Variants in PLCG2 observed in about 807,000 individuals in gnomAD.
The protein encoded by PLCG2 is 1-phosphatidylinositol 4,5-bisphosphate phosphodiesterase gamma-2.
In PLCG2, 69 loss-of-function variants were observed where a neutral mutation model predicts 175.6. That is an observed-to-expected ratio of 0.39 (90% CI 0.32 to 0.48). PLCG2 has a LOEUF of 0.48. Among genes scored for constraint, PLCG2 ranks in the 20% least tolerant of loss-of-function variants. PLCG2 has a pLI of 0.91. For missense variants in PLCG2, 1,798 were observed against 1,650.9 expected, an observed-to-expected ratio of 1.09 and a Z score of -1.54; for synonymous variants, 827 against 624.0, an observed-to-expected ratio of 1.33 and a Z score of -4.85.
chr16:81,799,142 T>C (rs1320021687), intron 2 of PLCG2, among the ~76,000 whole-genome samples: 1 of 152,218 alleles, frequency 6.6e-6, no homozygotes, highest in Admixed American at 6.5e-5. Context: ...ACAACTGCTT[T>C]TTCCCCCTCA....
At chr16:81,927,736 G>T (rs576189281) in intron 23 of PLCG2, among the ~76,000 whole-genome samples, 5 of 152,308 alleles carry the variant, frequency 3.3e-5, no homozygotes, top group Admixed American at 6.5e-5. Context: ...TCTAAGGGAT[G>T]TAGGGCAATC....
chr16:81,748,066 G>T (rs1011225100), intron 1 of PLCG2, among the ~76,000 whole-genome samples: 2 of 152,094 alleles, frequency 1.3e-5, no homozygotes, highest in Admixed American at 6.6e-5. Context: ...GTAGAAACAG[G>T]GTGGCCCCAT....
At chr16:81,785,758 C>G in intron 1 of PLCG2, 185 bp from the exon 2 acceptor site, 2 of 460,692 alleles carry the variant, frequency 4.3e-6, no homozygotes, top group Non-Finnish European at 7.8e-6. Context: ...ACTTCAGTTT[C>G]CATTTAAACC....
intron 2 of PLCG2, among the ~76,000 whole-genome samples, chr16:81,758,675 CTCT>C (rs2143081972): frequency 7.7e-6 from 1 of 130,652 alleles, no homozygotes; most frequent in East Asian, 2.1e-4. Flanking sequence ...TTGTCCATCT[CTCT>C]TTTTTTTTTT....
chr16:81,936,915 A>G (rs1251368838), intron 27 of PLCG2, among the ~76,000 whole-genome samples: 2 of 152,180 alleles, frequency 1.3e-5, no homozygotes, highest in East Asian at 1.9e-4. Flanking sequence ...GAATGGAACA[A>G]TCATTTATTT....
Position 81,815,800 on chromosome 16 carries a change from C to A in PLCG2, c.193+29618C>A, listed in dbSNP as rs139449579. Among the ~76,000 whole-genome samples, 321 of 152,332 alleles carry A rather than the reference C, an allele frequency of 2.1e-3. 3 individuals carry two copies. The highest frequency in any genetic ancestry group is 7.1e-3 in the African/African-American group (297 of 41,576). On this transcript the variant is annotated intron_variant, in intron 2 of 32. Coordinates refer to ENST00000564138, the MANE Select transcript of PLCG2 (RefSeq NM_002661.5). The stretch of plus-strand genomic sequence containing the variant: ...AAATGACCAGACACAGTGGCTCACG[C>A]CTGTAATCCCAGCACTTTGGGAGGC...
intron 15 of PLCG2, among the ~76,000 whole-genome samples, chr16:81,906,858 C>G (rs539023250): frequency 6.6e-6 from 1 of 151,986 alleles, no homozygotes; most frequent in African/African-American, 2.4e-5. Context: ...GCTAACATGG[C>G]GAATCCCCGT....
rs1051268818 is a variant in PLCG2 at position 81,958,724 on chromosome 16, C to G, written c.*726C>G. 9.0e-6 allele frequency: 2 copies of G among 222,178 alleles called. No individual in the cohort carries two copies. The highest frequency in any genetic ancestry group is 2.2e-5 in the African/African-American group (1 of 44,688). 13.8% of individuals were successfully genotyped at this position (222,178 alleles called of 1,614,324 possible). ...GCCGTGCTGCAGGGGCAGGTTCTCA[C>G]TTGCCCCTGGCTCTGCCAGCTGCTG... On this transcript the variant is annotated 3_prime_UTR_variant, in exon 33 of 33. Transcript: ENST00000564138.
intron 7 of PLCG2, among the ~76,000 whole-genome samples, chr16:81,874,992 C>A (rs1054547972): frequency 5.0e-4 from 38 of 75,960 alleles, no homozygotes; most frequent in African/African-American, 1.7e-3. Context: ...GAGACAGAGT[C>A]TTTCTCTGTT....
intron 30 of PLCG2, among the ~76,000 whole-genome samples, chr16:81,943,272 C>T (rs550908726): frequency 6.6e-6 from 1 of 152,338 alleles, no homozygotes; most frequent in South Asian, 2.1e-4. Context: ...CACAGTTCTG[C>T]AGGCTGTACA....
chr16:81,866,031 TG>T (rs1907215356), intron 5 of PLCG2, among the ~76,000 whole-genome samples: 3 of 128,862 alleles, frequency 2.3e-5, no homozygotes, highest in Admixed American at 7.7e-5. Context: ...TGGGCTCCAC[TG>T]GGGCACCAGC....
chr16:81,880,665 G>C (rs931668080), intron 7 of PLCG2, among the ~76,000 whole-genome samples: 4 of 152,194 alleles, frequency 2.6e-5, no homozygotes, highest in Non-Finnish European at 4.4e-5. Flanking sequence ...GGAAACCTAT[G>C]AAATGCTTAA....
intron 5 of PLCG2, among the ~76,000 whole-genome samples, chr16:81,863,630 T>C (rs985848074): frequency 6.6e-6 from 1 of 152,206 alleles, no homozygotes. Context: ...ATTGCTGGAT[T>C]TATTTTGCCG....
chr16:81,778,296 G>A (rs1029188237), upstream of PLCG2, among the ~76,000 whole-genome samples: 3 of 152,070 alleles, frequency 2.0e-5, no homozygotes, highest in South Asian at 2.1e-4. Context: ...CTTGAGTCCC[G>A]GAGTTCGAGG....
At chr16:81,900,884 C>G (rs1179534585) in intron 14 of PLCG2, 104 bp downstream of exon 14, 4 of 982,666 alleles carry the variant, frequency 4.1e-6, no homozygotes, top group Non-Finnish European at 6.0e-6. Flanking sequence ...TGGGCCTGCT[C>G]CAGGTCCCAC....
intron 2 of PLCG2, among the ~76,000 whole-genome samples, chr16:81,816,651 A>AGTTT (rs1555509092): frequency 9.2e-6 from 1 of 108,858 alleles, no homozygotes; most frequent in Non-Finnish European, 1.7e-5. Flanking sequence ...GCTAATTTTA[A>AGTTT]TTTTTTTTTT....
intron 3 of PLCG2, among the ~76,000 whole-genome samples, chr16:81,855,274 C>G (rs1597356661): frequency 6.6e-6 from 1 of 151,890 alleles, no homozygotes; most frequent in East Asian, 1.9e-4. Flanking sequence ...TCTGATTGAT[C>G]TGAAGGAACT....
At chr16:81,937,259 C>G (rs998749454) in intron 27 of PLCG2, 4 of 152,360 alleles carry the variant, frequency 2.6e-5, no homozygotes, top group Admixed American at 6.5e-5. Flanking sequence ...GTTTGCACAA[C>G]TGAGAGGTGA....
At chr16:81,785,261 C>T (rs944288818) in intron 1 of PLCG2, among the ~76,000 whole-genome samples, 2 of 152,160 alleles carry the variant, frequency 1.3e-5, no homozygotes, top group Non-Finnish European at 2.9e-5. Flanking sequence ...ACCCCAGGTG[C>T]TTTGCTGGGG....
Sources: allele counts gnomAD v4.1 joint callset (sites outside exome capture counted in the v4.1 genomes callset), GRCh38; gene constraint gnomAD v4.1.1; transcripts MANE v1.5; gene names NCBI Gene and HGNC (gene_info 2026-07-23, HGNC 2026-07-21).